Variants in SATL1 observed in about 807,000 individuals in gnomAD.
The protein encoded by SATL1 is spermidine/spermine N(1)-acetyltransferase-like protein 1.
Under a neutral mutation model 51.8 loss-of-function variants are expected in SATL1, and 47 were observed. The ratio of observed to expected loss-of-function variants is 0.91; its 90% CI spans 0.72 to 1.16. SATL1 has a LOEUF of 1.16. Among genes scored for constraint, SATL1 ranks in the 50% most tolerant of loss-of-function variants. SATL1 has a pLI of 0.00. For missense variants in SATL1, 520 were observed against 526.4 expected, an observed-to-expected ratio of 0.99 and a Z score of 0.12; for synonymous variants, 176 against 182.4, an observed-to-expected ratio of 0.97 and a Z score of 0.28.
intron 2 of SATL1, among the ~76,000 whole-genome samples, chrX:85,170,692 A>C (rs193223855): frequency 8.9e-6 from 1 of 111,745 alleles, no homozygotes; most frequent in East Asian, 2.8e-4. Flanking sequence ...AAAATGCAAA[A>C]CCTGTGTAAG....
intron 1 of SATL1, among the ~76,000 whole-genome samples, chrX:85,234,952 C>A (rs1928450511): frequency 9.1e-6 from 1 of 110,229 alleles, no homozygotes; most frequent in African/African-American, 3.3e-5. Context: ...TAACAAGACC[C>A]AACAATCTGC....
chrX:85,107,169 T>C (rs1925066382), intron 3 of SATL1, among the ~76,000 whole-genome samples, 159 bp downstream of exon 3: 2 of 111,905 alleles, frequency 1.8e-5, no homozygotes, highest in Admixed American at 1.9e-4. Context: ...ATAATCTTGA[T>C]TTTAGATGCA....
chrX:85,198,127 C>G (rs908706795), intron 2 of SATL1, among the ~76,000 whole-genome samples: 8 of 111,224 alleles, frequency 7.2e-5, no homozygotes, highest in Admixed American at 5.8e-4. Flanking sequence ...ACATAATGTC[C>G]TCCGGTTTCG....
intron 2 of SATL1, among the ~76,000 whole-genome samples, chrX:85,152,574 C>T (rs1181829926): frequency 9.0e-6 from 1 of 111,282 alleles, no homozygotes; most frequent in Non-Finnish European, 1.9e-5. Flanking sequence ...ACCCAAATGT[C>T]CAACAATGAT....
chrX:85,111,676 T>C (rs1245494755), intron 2 of SATL1, among the ~76,000 whole-genome samples: 1 of 112,283 alleles, frequency 8.9e-6, no homozygotes, highest in Non-Finnish European at 1.9e-5. Context: ...AGTTTTAACA[T>C]ACTATTTTAT....
At chrX:85,128,744 T>A (rs1401846235) in intron 2 of SATL1, among the ~76,000 whole-genome samples, 2 of 112,174 alleles carry the variant, frequency 1.8e-5, no homozygotes, top group Non-Finnish European at 3.8e-5. Flanking sequence ...TGAATGGTAT[T>A]GCCTAGGTTT....
chrX:85,162,834 G>T (rs747356803), intron 2 of SATL1, among the ~76,000 whole-genome samples: 1 of 111,288 alleles, frequency 9.0e-6, no homozygotes, highest in South Asian at 3.8e-4. Flanking sequence ...TTTATGTGGT[G>T]TATCACATTT....
At chrX:85,169,748 A>G (rs1209899474) in intron 2 of SATL1, among the ~76,000 whole-genome samples, 1 of 111,652 alleles carries the variant, frequency 9.0e-6, no homozygotes, top group African/African-American at 3.2e-5. Flanking sequence ...AACTACCATT[A>G]GATTCAGCAA....
chrX:85,233,165 G>A (rs1928417651), intron 1 of SATL1, among the ~76,000 whole-genome samples: 2 of 111,789 alleles, frequency 1.8e-5, no homozygotes, highest in Admixed American at 9.5e-5. Context: ...GTAATCCAGA[G>A]AATTCTTCCA....
At chrX:85,137,311 T>C (rs1012416822) in intron 2 of SATL1, among the ~76,000 whole-genome samples, 1 of 111,503 alleles carries the variant, frequency 9.0e-6, no homozygotes, top group African/African-American at 3.3e-5. Flanking sequence ...AAATAGTAGG[T>C]GAACGTAATA....
chrX:85,149,423 A>G (rs896750110), intron 2 of SATL1, among the ~76,000 whole-genome samples: 1 of 111,401 alleles, frequency 9.0e-6, no homozygotes, highest in South Asian at 3.8e-4. Context: ...GAAAGTTAAC[A>G]AGGATATCCA....
rs759085797 is a variant in SATL1, at chrX:85,108,582, C to G, written c.387G>C (p.Thr129=). 918 of 1,203,679 alleles carry G rather than the reference C, an allele frequency of 7.6e-4. No homozygotes were observed. The highest frequency in any genetic ancestry group is 9.9e-4 in the Non-Finnish European group (880 of 891,777). ...PSQSRMRQIG[T]NQSGMSQPVM... The stretch of plus-strand genomic sequence containing the variant: ...CTGGTTGGCTCATACCTGATTGGTT[C>G]GTGCCTATTTGCCTCATGCGTGATT... The change falls in exon 3 of 8, where the codon ACG becomes ACC. Residue 129 remains threonine (T), a synonymous_variant. Coordinates refer to ENST00000644105, the MANE Select transcript of SATL1 (RefSeq NM_001367857.2).
intron 2 of SATL1, among the ~76,000 whole-genome samples, chrX:85,203,105 T>A (rs895293995): frequency 2.7e-5 from 3 of 111,263 alleles, no homozygotes; most frequent in African/African-American, 9.8e-5. Context: ...TTCCAGTCCC[T>A]AGTCACCTCG....
At chrX:85,096,803 G>A (rs1924734538) in intron 4 of SATL1, among the ~76,000 whole-genome samples, 2 of 106,288 alleles carry the variant, frequency 1.9e-5, no homozygotes, top group South Asian at 4.2e-4. Context: ...CACCAAAACT[G>A]TCCTTCAAAA....
At chrX:85,228,262 C>G (rs1569251131) in intron 1 of SATL1, among the ~76,000 whole-genome samples, 1 of 111,122 alleles carries the variant, frequency 9.0e-6, no homozygotes, top group Non-Finnish European at 1.9e-5. Flanking sequence ...CTAAGTAAGG[C>G]AGACTCCTTC....
In SATL1 at chrX:85,164,485, T is replaced by C. The variant is rs1444239387; in HGVS notation, c.-312-55205A>G. ...TGTCTGAAAAAGACTTTATCTCTCA[T>C]TCATTTATAAAGCCTAGTTTTGCTG... is the stretch of plus-strand genomic sequence containing the variant. On this transcript the variant is annotated intron_variant, in intron 2 of 7. Transcript: ENST00000644105. Among the ~76,000 whole-genome samples, 3 of 111,558 alleles carry C rather than the reference T, an allele frequency of 2.7e-5. 1 individual carries two copies. In the East Asian group the frequency reaches 8.5e-4, roughly 32 times the overall value.
chrX:85,157,293 A>G (rs1367855507), intron 2 of SATL1, among the ~76,000 whole-genome samples: 1 of 110,921 alleles, frequency 9.0e-6, no homozygotes, highest in African/African-American at 3.3e-5. Flanking sequence ...GAAGTCAAAA[A>G]AATTAAATAT....
At chrX:85,214,873 G>A (rs1293722381) in intron 2 of SATL1, among the ~76,000 whole-genome samples, 2 of 111,899 alleles carry the variant, frequency 1.8e-5, no homozygotes, top group African/African-American at 3.3e-5. Context: ...GGGCACACTG[G>A]TAGGCAGGGT....
chrX:85,156,562 A>G (rs1367225123), intron 2 of SATL1: 2 of 109,632 alleles, frequency 1.8e-5, no homozygotes. Flanking sequence ...AAATTGCACA[A>G]ATATGGGATG....
Sources: gnomAD v4.1 joint callset for allele counts (sites outside exome capture counted in the v4.1 genomes callset) on GRCh38, gnomAD v4.1.1 for gene constraint, MANE v1.5 for transcripts, NCBI Gene and HGNC (gene_info 2026-07-23, HGNC 2026-07-21) for gene names.